The following OPCML variants were observed in gnomAD, a reference collection of about 807,000 sequenced individuals.
OPCML encodes the protein opioid-binding protein/cell adhesion molecule.
Under a neutral mutation model 37.8 loss-of-function variants are expected in OPCML, and 13 were observed. That is an observed-to-expected ratio of 0.34 (90% CI 0.22 to 0.55). The LOEUF (loss-of-function observed/expected upper bound fraction) is 0.55, where lower values mean the gene tolerates loss of function less well. Ranked by LOEUF, OPCML falls within the 20% of genes least tolerant of loss-of-function variation. The pLI is 0.91. For missense variants in OPCML, 341 were observed against 435.6 expected (o/e 0.78, Z 1.93); for synonymous variants, 176 against 168.8 (o/e 1.04, Z -0.33).
intron 1 of OPCML, among the ~76,000 whole-genome samples, chr11:133,319,363 G>A (rs571695969): frequency 6.6e-5 from 10 of 152,198 alleles, no homozygotes; most frequent in Admixed American, 5.2e-4. Context: ...TAGTTCACAG[G>A]CCACCCAGCT....
At chr11:132,853,398 T>G (rs1218619258) in intron 2 of OPCML, among the ~76,000 whole-genome samples, 1 of 152,176 alleles carries the variant, frequency 6.6e-6, no homozygotes, top group Non-Finnish European at 1.5e-5. Context: ...ATTTTTACTG[T>G]GTGATTTTAC....
chr11:132,910,317 C>G (rs1214266190), intron 2 of OPCML, among the ~76,000 whole-genome samples: 1 of 152,244 alleles, frequency 6.6e-6, no homozygotes, highest in Admixed American at 6.5e-5. Flanking sequence ...AGGCCGGGCC[C>G]CAGAGCAGCC....
chr11:133,450,548 A>C (rs1477332291), intron 1 of OPCML, among the ~76,000 whole-genome samples: 1 of 151,656 alleles, frequency 6.6e-6, no homozygotes, highest in African/African-American at 2.4e-5. Flanking sequence ...TCTCTGAGAA[A>C]AATGGGACTG....
At chr11:133,215,673 A>G (rs1390607062) in intron 1 of OPCML, among the ~76,000 whole-genome samples, 1 of 152,176 alleles carries the variant, frequency 6.6e-6, no homozygotes, top group Non-Finnish European at 1.5e-5. Flanking sequence ...GAATTGCATC[A>G]GAACGTCTAC....
At chr11:132,804,381 C>G (rs1440722876) in intron 2 of OPCML, among the ~76,000 whole-genome samples, 1 of 152,168 alleles carries the variant, frequency 6.6e-6, no homozygotes, top group Non-Finnish European at 1.5e-5. Context: ...GAGGAGGCAA[C>G]TGTGAAAAGG....
chr11:132,963,640 C>T (rs1946144072), intron 1 of OPCML, among the ~76,000 whole-genome samples: 1 of 151,250 alleles, frequency 6.6e-6, no homozygotes, highest in African/African-American at 2.4e-5. Flanking sequence ...GTCCTTCCTG[C>T]TTCCACTTCC....
At chr11:132,838,945 T>A (rs906425923) in intron 2 of OPCML, among the ~76,000 whole-genome samples, 1 of 152,176 alleles carries the variant, frequency 6.6e-6, no homozygotes. Flanking sequence ...CCTTAAGAAT[T>A]TGTTCTAGAA....
intron 1 of OPCML, among the ~76,000 whole-genome samples, chr11:133,051,825 G>A (rs1003733476): frequency 6.6e-6 from 1 of 152,130 alleles, no homozygotes; most frequent in Non-Finnish European, 1.5e-5. Flanking sequence ...TCTCTCCACC[G>A]CCCAAGCCTG....
intron 2 of OPCML, among the ~76,000 whole-genome samples, chr11:132,813,076 T>C (rs183415187): frequency 6.6e-6 from 1 of 152,350 alleles, no homozygotes; most frequent in African/African-American, 2.4e-5. Flanking sequence ...TATTCCCTTT[T>C]GATTCAAATA....
chr11:133,094,302 T>TTAA (rs1252025601), intron 1 of OPCML, among the ~76,000 whole-genome samples: 4 of 152,208 alleles, frequency 2.6e-5, no homozygotes, highest in African/African-American at 9.6e-5. Context: ...GTCGGGTTGC[T>TTAA]TAAAGGCCAA....
chr11:132,478,162 A>G (rs969908982), intron 4 of OPCML, among the ~76,000 whole-genome samples: 2 of 152,262 alleles, frequency 1.3e-5, no homozygotes, highest in African/African-American at 2.4e-5. Context: ...AGTATATAAT[A>G]AATTTGGCTG....
chr11:132,977,751 C>A (rs1041008819), intron 1 of OPCML, among the ~76,000 whole-genome samples: 5 of 152,174 alleles, frequency 3.3e-5, no homozygotes, highest in Admixed American at 6.5e-5. Flanking sequence ...GGAGCAGGTT[C>A]AATGTATTTA....
At chr11:132,699,841 C>T (rs1943738700) in intron 2 of OPCML, among the ~76,000 whole-genome samples, 1 of 151,998 alleles carries the variant, frequency 6.6e-6, no homozygotes, top group Non-Finnish European at 1.5e-5. Flanking sequence ...GCTTTGGTAT[C>T]TGGGGAATAC....
intron 1 of OPCML, among the ~76,000 whole-genome samples, chr11:133,030,412 C>T (rs1947644925): frequency 6.6e-6 from 1 of 152,168 alleles, no homozygotes; most frequent in Admixed American, 6.5e-5. Context: ...TGTGCTCATG[C>T]TCTGTCCCTG....
chr11:132,466,663 T>C (rs1250015065), intron 4 of OPCML, among the ~76,000 whole-genome samples: 1 of 152,134 alleles, frequency 6.6e-6, no homozygotes, highest in Non-Finnish European at 1.5e-5. Flanking sequence ...TGAGCACATA[T>C]AAAAGCTGGT....
At chr11:133,183,915 G>A (rs913502212) in intron 1 of OPCML, among the ~76,000 whole-genome samples, 3 of 152,104 alleles carry the variant, frequency 2.0e-5, no homozygotes, top group Non-Finnish European at 2.9e-5. Context: ...AATTACACCC[G>A]AGTCTACTCT....
chr11:133,370,327 A>G (rs79065801), intron 1 of OPCML, among the ~76,000 whole-genome samples: 2,507 of 152,286 alleles, frequency 0.016, 59 homozygotes, highest in African/African-American at 0.056. Context: ...TTGTTTATCA[A>G]GCAGCCACCC....
In OPCML at chr11:133,008,983, A is replaced by T. The variant is rs750982538; in HGVS notation, c.62-65973T>A. 3 of 985,332 alleles carry T rather than the reference A, an allele frequency of 3.0e-6. No homozygotes were observed. The African/African-American group carries it at 5.2e-5, about 17-fold the overall frequency. The allele number at this position is 985,332 out of a possible 1,614,324, so 61.0% of individuals were successfully genotyped here. ...CATTACTGAGGAGATTAGCATGGACATGGACTGACATGGATTAATCTCTAT... is the reference window on the plus strand; with the variant it reads ...CATTACTGAGGAGATTAGCATGGACTTGGACTGACATGGATTAATCTCTAT... On this transcript the variant is annotated intron_variant, in intron 1 of 7. Coordinates refer to ENST00000524381, the MANE Select transcript of OPCML (RefSeq NM_001012393.5).
intron 1 of OPCML, among the ~76,000 whole-genome samples, chr11:133,202,962 T>C (rs1406968447): frequency 1.3e-5 from 2 of 152,222 alleles, no homozygotes; most frequent in African/African-American, 2.4e-5. Context: ...TAGTATCTTC[T>C]GTGTGTCAGG....
Sources: allele counts gnomAD v4.1 joint callset (sites outside exome capture counted in the v4.1 genomes callset), GRCh38; gene constraint gnomAD v4.1.1; transcripts MANE v1.5; gene names NCBI Gene and HGNC (gene_info 2026-07-23, HGNC 2026-07-21).